Variants in ADNP2 observed in about 807,000 individuals in gnomAD.
The protein encoded by ADNP2 is ADNP homeobox 2.
In ADNP2, 8 loss-of-function variants were observed where a neutral mutation model predicts 16.4. That is an observed-to-expected ratio of 0.49 (90% CI 0.29 to 0.88). ADNP2 has a LOEUF of 0.88. Ranked by LOEUF, ADNP2 falls within the 40% of genes least tolerant of loss-of-function variation. ADNP2 has a pLI of 0.09. For synonymous variants in ADNP2, 637 were observed against 545.8 expected, an observed-to-expected ratio of 1.17 and a Z score of -2.33; for missense variants, 1,397 against 1,395.1, an observed-to-expected ratio of 1.00 and a Z score of -0.02.
Position 80,138,118 on chromosome 18 carries a change from C to G in ADNP2, c.2705C>G (p.Pro902Arg). ...TTGAAGGAGAGGCACCACATCATGC[C>G]CACAGTCCACACGGTCCTGAAGTCT... ...LHLKERHHIMPTVHTVLKSPA... is the reference protein window; with the variant it reads ...LHLKERHHIMRTVHTVLKSPA... Residue 902 changes from proline (P) to arginine (R), a missense_variant, in exon 4 of 4, where the codon CCC (proline) becomes CGC (arginine). By Grantham distance (103) the Pro-to-Arg change is moderately radical (BLOSUM62 -2). This residue lies in a region of ADNP2 where 611 missense variants were observed against 648.7 expected (regional missense o/e 0.94). Transcript: ENST00000262198. 6.2e-7 allele frequency: 1 copy of G among 1,613,992 alleles called. No homozygotes were observed. Among genetic ancestry groups the G allele is most frequent in the South Asian group, 1.1e-5 (1 of 91,084 alleles).
At position 80,121,430 on chromosome 18, in the gene ADNP2, T is replaced by A. The variant is rs115878733; in HGVS notation, c.108+3780T>A. On this transcript the variant is annotated intron_variant, in intron 2 of 3. Coordinates refer to ENST00000262198, the MANE Select transcript of ADNP2 (RefSeq NM_014913.4). ...TTGTTGAAATACAGTAATTTCCTTA[T>A]TCTGGGTATTAAACCGTTATCAAAT... 3.5e-3 allele frequency among the ~76,000 whole-genome samples: 532 copies of A among 152,368 alleles called. 4 individuals carry two copies. The highest frequency in any genetic ancestry group is 0.012 in the African/African-American group (511 of 41,588).
At chr18:80,125,304 A>G (rs2052450782) in intron 2 of ADNP2, among the ~76,000 whole-genome samples, 3 of 152,126 alleles carry the variant, frequency 2.0e-5, no homozygotes, top group African/African-American at 7.2e-5. Context: ...GCTTGAGGCC[A>G]GGAGTTTTAG....
Position 80,136,761 on chromosome 18 carries a change from C to T in ADNP2, c.1348C>T (p.Pro450Ser), listed in dbSNP as rs1294345612. 1.3e-6 allele frequency: 2 copies of T among 1,597,528 alleles called. No homozygotes were observed. Among genetic ancestry groups the T allele is most frequent in the Middle Eastern group, 1.7e-4 (1 of 6,032 alleles). Residue 450 changes from proline (P) to serine (S), a missense_variant, in exon 4 of 4, where the codon CCT (proline) becomes TCT (serine). By Grantham distance (74) the Pro-to-Ser change is moderately conservative. This residue lies in a region of ADNP2 where 777 missense variants were observed against 719.4 expected (regional missense o/e 1.08). Coordinates refer to ENST00000262198, the MANE Select transcript of ADNP2 (RefSeq NM_014913.4). ...TCGGGCGGTCCCGTCTGGAGTCCTTCCTGCAGGCCAGATGACTCCTGCAGG... is the reference window on the plus strand; with the variant it reads ...TCGGGCGGTCCCGTCTGGAGTCCTTTCTGCAGGCCAGATGACTCCTGCAGG... ...VSRAVPSGVLPAGQMTPAGQM... is the reference protein window; with the variant it reads ...VSRAVPSGVLSAGQMTPAGQM...
chr18:80,128,990 A>G (rs558706691), intron 2 of ADNP2, among the ~76,000 whole-genome samples: 4 of 151,728 alleles, frequency 2.6e-5, no homozygotes, highest in South Asian at 2.1e-4. Context: ...TAGCTATTTT[A>G]CCACTTGCTT....
At chr18:80,110,619 T>C (rs1346269919) in intron 1 of ADNP2, among the ~76,000 whole-genome samples, 4 of 152,216 alleles carry the variant, frequency 2.6e-5, no homozygotes, top group African/African-American at 9.7e-5. Flanking sequence ...TTGTGTAAAG[T>C]ACATGTTCAG....
chr18:80,137,316 G>A lies in ADNP2; in HGVS notation c.1903G>A (p.Ala635Thr), dbSNP rs756779089. 16 of 1,613,860 alleles carry A rather than the reference G, an allele frequency of 9.9e-6. No individual in the cohort carries two copies. The highest frequency in any genetic ancestry group is 1.7e-4 in the Middle Eastern group (1 of 6,060). The change falls in exon 4 of 4, where the codon GCT (alanine) becomes ACT (threonine). Residue 635 changes from alanine (A) to threonine (T), a missense_variant. Around this residue, in one of 3 missense-constraint regions of ADNP2, gnomAD observed 611 missense variants for 648.7 expected, o/e 0.94. Transcript: ENST00000262198. This position sits in a 1 kb window ranked among gnomAD's most constrained non-coding sequence, Gnocchi z 4.2. ...PVPPGGLATV[A>T]PPQMPIQLLP... ...TCCCCCTGGAGGCCTTGCGACTGTC[G>A]CTCCGCCCCAGATGCCCATCCAGCT...
At chr18:80,122,180 G>A (rs539668971) in intron 2 of ADNP2, among the ~76,000 whole-genome samples, 6 of 152,142 alleles carry the variant, frequency 3.9e-5, no homozygotes, top group African/African-American at 7.2e-5. Context: ...TCAGCCTCCC[G>A]AAGTGCTGGG....
At chr18:80,116,171 A>G (rs2052388145) in intron 1 of ADNP2, among the ~76,000 whole-genome samples, 1 of 152,162 alleles carries the variant, frequency 6.6e-6, no homozygotes, top group African/African-American at 2.4e-5. Context: ...CATATTTCCA[A>G]AGTTTGTCCA....
At chr18:80,135,499 A>C in intron 3 of ADNP2, 113 bp from the exon 4 acceptor site, 1 of 1,089,420 alleles carries the variant, frequency 9.2e-7, no homozygotes, top group Non-Finnish European at 1.3e-6. Context: ...ACATTAAGTC[A>C]GGTTAAATGC....
Position 80,136,678 on chromosome 18 carries a change from G to A in ADNP2, c.1265G>A (p.Ser422Asn). 14 of 1,613,364 alleles carry A rather than the reference G, an allele frequency of 8.7e-6. No individual in the cohort carries two copies. The highest frequency in any genetic ancestry group is 1.1e-5 in the Non-Finnish European group (13 of 1,179,564). Reference sequence around the variant, plus strand: ...GTTGGGCCTGGTGTTCTTCCTGTGAGCCCCTCTGTCACCCCTGGGGTCCTG... The same window carrying A: ...GTTGGGCCTGGTGTTCTTCCTGTGAACCCCTCTGTCACCCCTGGGGTCCTG... ...RPVGPGVLPV[S>N]PSVTPGVLQA... Residue 422 changes from serine (S) to asparagine (N), a missense_variant, in exon 4 of 4, where the codon AGC (serine) becomes AAC (asparagine). Physicochemically the swap from Ser to Asn is conservative, Grantham distance 46. Around this residue, in one of 3 missense-constraint regions of ADNP2, gnomAD observed 777 missense variants for 719.4 expected, o/e 1.08. Transcript: ENST00000262198.
chr18:80,136,516 ATCC>A lies in ADNP2; in HGVS notation c.1108_1110del (p.Pro370del). 9 of 1,614,092 alleles carry A rather than the reference ATCC, an allele frequency of 5.6e-6. No homozygotes were observed. Among genetic ancestry groups the A allele is most frequent in the Non-Finnish European group, 7.6e-6 (9 of 1,180,002 alleles). On this transcript the variant is annotated inframe_deletion, in exon 4 of 4. Coordinates refer to ENST00000262198, the MANE Select transcript of ADNP2 (RefSeq NM_014913.4). ...GGGGTTCCACTTCATCAGTCTGTGA[ATCC>A]TCCTGTGTTGCCCTTGAGTCAGCCA... is the stretch of plus-strand genomic sequence containing the variant.
chr18:80,113,864 AAGT>A (rs1164532501), intron 1 of ADNP2, among the ~76,000 whole-genome samples: 1 of 152,072 alleles, frequency 6.6e-6, no homozygotes, highest in Non-Finnish European at 1.5e-5. Context: ...AGGAATGTAG[AAGT>A]AGAATTGCTT....
At position 80,122,121 on chromosome 18, in the gene ADNP2, T is replaced by C. The variant is rs528391857; in HGVS notation, c.108+4471T>C. ...TTTTAGTAGAGACGGGGTTTTGTGATGTTGGCCAGGCTGATCTTGAACTCC... is the reference window on the plus strand; with the variant it reads ...TTTTAGTAGAGACGGGGTTTTGTGACGTTGGCCAGGCTGATCTTGAACTCC... On this transcript the variant is annotated intron_variant, in intron 2 of 3. Coordinates refer to ENST00000262198, the MANE Select transcript of ADNP2 (RefSeq NM_014913.4). Among the ~76,000 whole-genome samples the C allele has an allele frequency of 4.6e-5, 7 of 152,284 alleles. No individual in the cohort carries two copies. In the South Asian group the frequency reaches 1.2e-3, roughly 27 times the overall value.
intron 2 of ADNP2, among the ~76,000 whole-genome samples, chr18:80,129,743 G>T (rs1599816510): frequency 1.3e-5 from 2 of 152,228 alleles, no homozygotes; most frequent in South Asian, 4.1e-4. Context: ...ATAGATGGCA[G>T]TCTGGTCTTT....
chr18:80,138,829 AAG>A lies in ADNP2; in HGVS notation c.*21_*22del. Reference sequence around the variant, plus strand: ...CCATAAAACTTGCAAAAAAAAAAAAAAGTAACTCTAAAGTAGTAGGTAGATTT... The same window carrying A: ...CCATAAAACTTGCAAAAAAAAAAAAATAACTCTAAAGTAGTAGGTAGATTT... On this transcript the variant is annotated 3_prime_UTR_variant, in exon 4 of 4. Coordinates refer to ENST00000262198, the MANE Select transcript of ADNP2 (RefSeq NM_014913.4). The A allele has an allele frequency of 1.4e-6, 2 of 1,478,630 alleles. No individual in the cohort carries two copies. The highest frequency in any genetic ancestry group is 2.4e-5 in the East Asian group (1 of 42,172). The allele number at this position is 1,478,630 out of a possible 1,614,324, so 91.6% of individuals were successfully genotyped here.
intron 2 of ADNP2, among the ~76,000 whole-genome samples, chr18:80,123,615 C>A (rs1233956991): frequency 6.6e-6 from 1 of 152,124 alleles, no homozygotes; most frequent in Non-Finnish European, 1.5e-5. Flanking sequence ...GTGATCTGCC[C>A]GCCTCGGCCT....
In ADNP2 at chr18:80,136,886, G is replaced by C. The variant is rs757226536; in HGVS notation, c.1473G>C (p.Gln491His). ...MVQSGVLPVG[Q>H]TAPSRVLPPG... is the part of the protein sequence containing the mutation. ...AGTCAGGAGTTCTCCCTGTGGGCCA[G>C]ACAGCTCCGTCACGGGTTCTTCCCC... Residue 491 changes from glutamine to histidine, a missense_variant, in exon 4 of 4, where the codon CAG becomes CAC. Physicochemically the swap from Gln to His is conservative, Grantham distance 24. Transcript: ENST00000262198. 6.2e-7 allele frequency: 1 copy of C among 1,614,056 alleles called. No individual in the cohort carries two copies. The highest frequency in any genetic ancestry group is 2.2e-5 in the East Asian group (1 of 44,886).
At position 80,137,610 on chromosome 18, in the gene ADNP2, G is replaced by T. The variant is rs750640679; in HGVS notation, c.2197G>T (p.Ala733Ser). The T allele has an allele frequency of 3.7e-6, 6 of 1,614,096 alleles. No individual in the cohort carries two copies. In the Admixed American group the frequency reaches 5.0e-5, roughly 13 times the overall value. Reference sequence around the variant, plus strand: ...TGAGAAACTTGAGCCTGAAAAACTGGCAGCGTGTGCACCATTTCTAAAGTG... The same window carrying T: ...TGAGAAACTTGAGCCTGAAAAACTGTCAGCGTGTGCACCATTTCTAAAGTG... ...SGEKLEPEKL[A>S]ACAPFLKWMR... Residue 733 changes from alanine to serine, a missense_variant, in exon 4 of 4, where the codon GCA becomes TCA. Transcript: ENST00000262198. This position sits in a 1 kb window ranked among gnomAD's most constrained non-coding sequence, Gnocchi z 4.2.
rs138542134 is a variant in ADNP2 at position 80,137,612 on chromosome 18, A to C, written c.2199A>C (p.Ala733=). 6.2e-7 allele frequency: 1 copy of C among 1,614,078 alleles called. No homozygotes were observed. The highest frequency in any genetic ancestry group is 1.3e-5 in the African/African-American group (1 of 74,932). ...AGAAACTTGAGCCTGAAAAACTGGC[A>C]GCGTGTGCACCATTTCTAAAGTGGA... The part of the protein sequence containing the change: ...SGEKLEPEKL[A]ACAPFLKWMR... Residue 733 remains alanine (A), a synonymous_variant, in exon 4 of 4, where the codon GCA becomes GCC. Coordinates refer to ENST00000262198, the MANE Select transcript of ADNP2 (RefSeq NM_014913.4). This position sits in a 1 kb window ranked among gnomAD's most constrained non-coding sequence, Gnocchi z 4.2.
Sources: allele counts gnomAD v4.1 joint callset (sites outside exome capture counted in the v4.1 genomes callset), GRCh38; gene constraint gnomAD v4.1.1; regional missense constraint gnomAD v4.1.1; non-coding constraint Gnocchi (gnomAD v3.1); transcripts MANE v1.5; gene names NCBI Gene and HGNC (gene_info 2026-07-23, HGNC 2026-07-21).